The following CARS1 variants were observed in gnomAD, a reference collection of about 807,000 sequenced individuals.
CARS1 encodes cysteinyl-tRNA synthetase 1.
A neutral mutation model predicts 106.2 loss-of-function variants in CARS1; 48 were observed. The ratio of observed to expected loss-of-function variants is 0.45; its 90% confidence interval spans 0.36 to 0.57. CARS1 has a LOEUF of 0.57. Among genes scored for constraint, CARS1 ranks in the 20% least tolerant of loss-of-function variants. The pLI is 0.00. For synonymous variants in CARS1, 409 were observed against 403.4 expected (o/e 1.01, Z -0.17); for missense variants, 968 against 1,057.2 (o/e 0.92, Z 1.17).
rs540265081 is a variant in CARS1 at position 3,022,461 on chromosome 11, A to T, written c.1154-2129T>A. Among the ~76,000 whole-genome samples the T allele has an allele frequency of 6.6e-6, 1 of 152,238 alleles. No individual in the cohort carries two copies. Among genetic ancestry groups the T allele is most frequent in the African/African-American group, 2.4e-5 (1 of 41,550 alleles). ...GGAGGCGGATCTGAGGTTTCCTCCC[A>T]TCTCCATTTGTCCACCATACAATTA... is the stretch of plus-strand genomic sequence containing the variant. On this transcript the variant is annotated intron_variant, in intron 10 of 22. Coordinates refer to ENST00000380525, the MANE Select transcript of CARS1 (RefSeq NM_001014437.3). This position sits in a 1 kb window ranked among gnomAD's most constrained non-coding sequence, Gnocchi z 4.9.
chr11:3,033,779 C>T (rs151238392), intron 7 of CARS1, among the ~76,000 whole-genome samples: 1 of 152,318 alleles, frequency 6.6e-6, no homozygotes, highest in East Asian at 1.9e-4. Flanking sequence ...TTCTTAGATA[C>T]AACATGTAAA....
At chr11:3,012,992 C>G (rs1477074309) in intron 17 of CARS1, among the ~76,000 whole-genome samples, 2 of 148,842 alleles carry the variant, frequency 1.3e-5, no homozygotes, top group African/African-American at 5.0e-5. Flanking sequence ...CAGGTTCAAG[C>G]GATTCACCTG....
chr11:3,028,396 C>A lies in CARS1; in HGVS notation c.1031+600G>T. The A allele has an allele frequency of 2.8e-6, 1 of 356,932 alleles. No homozygotes were observed. Among genetic ancestry groups the A allele is most frequent in the South Asian group, 3.4e-5 (1 of 29,108 alleles). The allele number at this position is 356,932 out of a possible 1,614,324, so 22.1% of individuals were successfully genotyped here. On this transcript the variant is annotated intron_variant, in intron 9 of 22. Coordinates refer to ENST00000380525, the MANE Select transcript of CARS1 (RefSeq NM_001014437.3). This position sits in a 1 kb window ranked among gnomAD's most constrained non-coding sequence, Gnocchi z 4.4. Reference sequence around the variant, plus strand: ...TCTTGTGTCTTTATTTCTACAATCTCTCATCTCCACACATGGGGAGAAAAA... The same window carrying A: ...TCTTGTGTCTTTATTTCTACAATCTATCATCTCCACACATGGGGAGAAAAA...
chr11:3,049,092 T>A (rs530018851), intron 1 of CARS1, among the ~76,000 whole-genome samples: 159 of 130,486 alleles, frequency 1.2e-3, no homozygotes, highest in African/African-American at 4.2e-3. Flanking sequence ...CTCCCTTTTT[T>A]ATTTTTATTT....
At chr11:3,042,544 T>C (rs537138708) in intron 2 of CARS1, among the ~76,000 whole-genome samples, 4 of 152,204 alleles carry the variant, frequency 2.6e-5, no homozygotes, top group Non-Finnish European at 4.4e-5. Context: ...TTTTGCTTTC[T>C]AATATTCTGT....
chr11:3,015,615 C>T (rs973501626), intron 17 of CARS1, among the ~76,000 whole-genome samples, 166 bp downstream of exon 17: 3 of 152,206 alleles, frequency 2.0e-5, no homozygotes, highest in African/African-American at 7.2e-5. Context: ...GGGCAGCTGA[C>T]CACACTTAGC....
chr11:3,053,033 C>T lies in CARS1; in HGVS notation c.25+4310G>A, dbSNP rs541965417. Among the ~76,000 whole-genome samples, 16 of 152,306 alleles carry T rather than the reference C, an allele frequency of 1.1e-4. No individual in the cohort carries two copies. The highest frequency in any genetic ancestry group is 3.1e-4 in the African/African-American group (13 of 41,548). Reference sequence around the variant, plus strand: ...AAAGGTGGATGGTGGTTGTCACCGGCTACAAAGGTGGAGTCTCTACAGAAC... The same window carrying T: ...AAAGGTGGATGGTGGTTGTCACCGGTTACAAAGGTGGAGTCTCTACAGAAC... On this transcript the variant is annotated intron_variant, in intron 1 of 22. Transcript: ENST00000380525. The surrounding 1 kb of genome is among the most constrained non-coding windows in gnomAD (Gnocchi z 6.6).
chr11:3,006,982 C>CTGTAGGCT, intron 18 of CARS1, 23 bp from the exon 19 acceptor site: 1 of 1,602,344 alleles, frequency 6.2e-7, no homozygotes, highest in South Asian at 1.1e-5. Context: ...CAGAGCAGTT[C>CTGTAGGCT]CCTCAGACAT....
Position 3,040,000 on chromosome 11 carries a change from G to T in CARS1, c.456-69C>A. On this transcript the variant is annotated intron_variant, in intron 4 of 22. Transcript: ENST00000380525. The surrounding 1 kb of genome is among the most constrained non-coding windows in gnomAD (Gnocchi z 5.6). ...TATAGCTTAACCTCCAACAACACGT[G>T]TTTGAACTGCATGAGTGCATTTATA... 1 of 783,224 alleles carries T rather than the reference G, an allele frequency of 1.3e-6. No individual in the cohort carries two copies. Among genetic ancestry groups the T allele is most frequent in the Non-Finnish European group, 2.1e-6 (1 of 475,120 alleles). 48.5% of individuals were successfully genotyped at this position (783,224 alleles called of 1,614,324 possible). A position where few individuals can be genotyped will look rare whatever the true frequency, so the allele number is the denominator to read the frequency against.
rs561746734 is a variant in CARS1, at chr11:3,022,890, T to C, written c.1154-2558A>G. Among the ~76,000 whole-genome samples the C allele has an allele frequency of 1.3e-5, 2 of 152,258 alleles. No homozygotes were observed. The highest frequency in any genetic ancestry group is 4.1e-4 in the South Asian group (2 of 4,820). On this transcript the variant is annotated intron_variant, in intron 10 of 22. Coordinates refer to ENST00000380525, the MANE Select transcript of CARS1 (RefSeq NM_001014437.3). This position sits in a 1 kb window ranked among gnomAD's most constrained non-coding sequence, Gnocchi z 4.9. ...TAGAGTCCCCATGGCGAGGAGCACA[T>C]GACTGCACAGAGCTAAGGCTACACT...
At position 3,048,699 on chromosome 11, in the gene CARS1, T is replaced by C. The variant is rs1163486707; in HGVS notation, c.26-698A>G. Among the ~76,000 whole-genome samples, 1 of 152,186 alleles carries C rather than the reference T, an allele frequency of 6.6e-6. No homozygotes were observed. Among genetic ancestry groups the C allele is most frequent in the Non-Finnish European group, 1.5e-5 (1 of 68,024 alleles). On this transcript the variant is annotated intron_variant, in intron 1 of 22. Transcript: ENST00000380525. The surrounding 1 kb of genome is among the most constrained non-coding windows in gnomAD (Gnocchi z 5.1). Reference sequence around the variant, plus strand: ...TTACACCCCTGCACCAAGAGACAGCTGGACTCTAGCATGGCTTCTGCAGGT... The same window carrying C: ...TTACACCCCTGCACCAAGAGACAGCCGGACTCTAGCATGGCTTCTGCAGGT...
At chr11:3,005,275 A>C in intron 20 of CARS1, 91 bp downstream of exon 20, 2 of 945,884 alleles carry the variant, frequency 2.1e-6, no homozygotes, top group Non-Finnish European at 3.3e-6. Flanking sequence ...AAGTGTAAAC[A>C]TCAATGCTTA....
rs1233849521 is a variant in CARS1, at chr11:3,040,928, G to A, written c.423C>T (p.Thr141=). The A allele has an allele frequency of 9.3e-6, 15 of 1,614,028 alleles. No individual in the cohort carries two copies. The East Asian group carries it at 2.0e-4, about 22-fold the overall frequency. The change falls in exon 4 of 23, where the codon ACC becomes ACT. Residue 141 remains threonine, a synonymous_variant. Transcript: ENST00000380525. The surrounding 1 kb of genome is among the most constrained non-coding windows in gnomAD (Gnocchi z 5.8). The part of the protein sequence containing the change: ...KKVTWYCCGP[T]VYDASHMGHA... ...GCCCCATGTGAGATGCGTCATAGAC[G>A]GTTGGCCCACAGCAATACCACGTCA...
In CARS1 at chr11:3,053,747, G is replaced by T. The variant is rs1327931199; in HGVS notation, c.25+3596C>A. On this transcript the variant is annotated intron_variant, in intron 1 of 22. Coordinates refer to ENST00000380525, the MANE Select transcript of CARS1 (RefSeq NM_001014437.3). This position sits in a 1 kb window ranked among gnomAD's most constrained non-coding sequence, Gnocchi z 6.6. Reference sequence around the variant, plus strand: ...TGAGGTTTAAACCAGCTTCCCCATGGGTGGAAAGCTTGCTAAAATGCAGAC... The same window carrying T: ...TGAGGTTTAAACCAGCTTCCCCATGTGTGGAAAGCTTGCTAAAATGCAGAC... Among the ~76,000 whole-genome samples, 2 of 152,074 alleles carry T rather than the reference G, an allele frequency of 1.3e-5. No homozygotes were observed. The highest frequency in any genetic ancestry group is 2.9e-5 in the Non-Finnish European group (2 of 68,024).
intron 7 of CARS1, among the ~76,000 whole-genome samples, chr11:3,035,761 C>CAGT (rs1204050286): frequency 6.6e-6 from 1 of 152,224 alleles, no homozygotes; most frequent in African/African-American, 2.4e-5. Context: ...GCTGGGATTA[C>CAGT]AAGTGTGAGC....
In CARS1 at chr11:3,001,207, T is replaced by C. The variant is rs1036609351; in HGVS notation, c.2403A>G (p.Lys801=). The C allele has an allele frequency of 1.1e-5, 17 of 1,613,926 alleles. No homozygotes were observed. Among genetic ancestry groups the C allele is most frequent in the Middle Eastern group, 3.3e-4 (2 of 6,084 alleles). ...GCTTCTTCAGCTTCTTGGCTTGCCCTTTGCTGAGCTCTTTGCCCTCCATGT... is the reference window on the plus strand; with the variant it reads ...GCTTCTTCAGCTTCTTGGCTTGCCCCTTGCTGAGCTCTTTGCCCTCCATGT... The part of the protein sequence containing the change: ...THDMEGKELS[K]GQAKKLKKLF... The change falls in exon 23 of 23, where the codon AAA becomes AAG. Residue 801 remains lysine, a synonymous_variant. Transcript: ENST00000380525.
chr11:3,044,218 G>A lies in CARS1; in HGVS notation c.275-1962C>T, dbSNP rs974122021. On this transcript the variant is annotated intron_variant, in intron 2 of 22. Coordinates refer to ENST00000380525, the MANE Select transcript of CARS1 (RefSeq NM_001014437.3). This position sits in a 1 kb window ranked among gnomAD's most constrained non-coding sequence, Gnocchi z 4.4. Reference sequence around the variant, plus strand: ...ATCATCACACTCACCCTGCTATGAGGAAACGGCCCAGGGTTCACAGGACTG... The same window carrying A: ...ATCATCACACTCACCCTGCTATGAGAAAACGGCCCAGGGTTCACAGGACTG... 1.3e-5 allele frequency among the ~76,000 whole-genome samples: 2 copies of A among 152,176 alleles called. No individual in the cohort carries two copies. Among genetic ancestry groups the A allele is most frequent in the South Asian group, 4.1e-4 (2 of 4,828 alleles).
rs1564800111 is a variant in CARS1, at chr11:3,053,902, G to A, written c.25+3441C>T. ...GTCCCACCAGGGTCCTCATCTTGTG[G>A]GTGTCCAGGCAACATCTCACCCTGC... On this transcript the variant is annotated intron_variant, in intron 1 of 22. Coordinates refer to ENST00000380525, the MANE Select transcript of CARS1 (RefSeq NM_001014437.3). The surrounding 1 kb of genome is among the most constrained non-coding windows in gnomAD (Gnocchi z 6.6). 2.0e-5 allele frequency among the ~76,000 whole-genome samples: 3 copies of A among 152,022 alleles called. No homozygotes were observed. The highest frequency in any genetic ancestry group is 2.9e-5 in the Non-Finnish European group (2 of 67,992).
At chr11:3,012,126 G>T (rs1446971322) in intron 18 of CARS1, 69 bp downstream of exon 18, 5 of 1,383,766 alleles carry the variant, frequency 3.6e-6, no homozygotes, top group African/African-American at 1.4e-5. Flanking sequence ...TGCCTCGGGG[G>T]AGACGCCCGG....
Sources: gnomAD v4.1 joint callset for allele counts (sites outside exome capture counted in the v4.1 genomes callset) on GRCh38, gnomAD v4.1.1 for gene constraint, Gnocchi (gnomAD v3.1) non-coding constraint, MANE v1.5 for transcripts, NCBI Gene and HGNC (gene_info 2026-07-23, HGNC 2026-07-21) for gene names.